Variants in KIAA1614 observed in about 807,000 individuals in gnomAD.
KIAA1614 encodes the protein uncharacterized protein KIAA1614.
A neutral mutation model predicts 88.7 loss-of-function variants in KIAA1614; 76 were observed. That is an observed-to-expected ratio of 0.86 (90% CI 0.71 to 1.04). KIAA1614 has a LOEUF of 1.04. Ranked by LOEUF, KIAA1614 falls within the 50% of genes least tolerant of loss-of-function variation. The pLI is 0.00. For missense variants in KIAA1614, 1,553 were observed against 1,582.5 expected (o/e 0.98, Z 0.32); for synonymous variants, 714 against 675.5 (o/e 1.06, Z -0.88).
intron 7 of KIAA1614, among the ~76,000 whole-genome samples, chr1:180,942,364 G>C (rs1286154653): frequency 6.6e-6 from 1 of 152,222 alleles, no homozygotes; most frequent in Non-Finnish European, 1.5e-5. Flanking sequence ...CTGTTCCAGG[G>C]AGTTCAGGTG....
In KIAA1614 at chr1:180,922,734, G is replaced by A. The variant is rs569560251; in HGVS notation, c.1061+4820G>A. 4.6e-5 allele frequency among the ~76,000 whole-genome samples: 7 copies of A among 152,290 alleles called. No homozygotes were observed. In the East Asian group the frequency reaches 1.4e-3, roughly 29 times the overall value. On this transcript the variant is annotated intron_variant, in intron 3 of 8. Transcript: ENST00000367588. ...GCACTTCACCTCAAGCCACCAGAGC[G>A]TGTGCAGATGTTTCCCACCCGCCAA... is the stretch of plus-strand genomic sequence containing the variant.
chr1:180,944,925 A>T (rs986572173), intron 8 of KIAA1614: 1 of 271,614 alleles, frequency 3.7e-6, no homozygotes, highest in East Asian at 8.9e-5. Flanking sequence ...CTGTCCGATG[A>T]GGCCCTGTAG....
intron 3 of KIAA1614, among the ~76,000 whole-genome samples, chr1:180,924,705 C>T (rs1654029264): frequency 6.6e-6 from 1 of 152,056 alleles, no homozygotes; most frequent in South Asian, 2.1e-4. Context: ...TTTCAAAGTC[C>T]AGAGCAAAGC....
At chr1:180,940,720 CTTTCT>C (rs1654440091) in intron 6 of KIAA1614, among the ~76,000 whole-genome samples, 2 of 146,114 alleles carry the variant, frequency 1.4e-5, no homozygotes, top group African/African-American at 5.1e-5. Flanking sequence ...TTCCTTTTTT[CTTTCT>C]TTTCTTTTTT....
At position 180,935,621 on chromosome 1, in the gene KIAA1614, G is replaced by A. The variant is rs1217563787; in HGVS notation, c.1712G>A (p.Arg571Lys). The A allele has an allele frequency of 2.5e-6, 4 of 1,611,196 alleles. No individual in the cohort carries two copies. The highest frequency in any genetic ancestry group is 1.7e-5 in the Admixed American group (1 of 59,906). Residue 571 changes from arginine (R) to lysine (K), a missense_variant, in exon 5 of 9, where the codon AGG becomes AAG. Physicochemically the swap from Arg to Lys is conservative, Grantham distance 26. Coordinates refer to ENST00000367588, the MANE Select transcript of KIAA1614 (RefSeq NM_020950.2). This position sits in a 1 kb window ranked among gnomAD's most constrained non-coding sequence, Gnocchi z 6.1. ...QELQAACGME[R>K]VLGGLSSPLR... ...CTCCAGGCTGCCTGTGGGATGGAGA[G>A]GGTGCTGGGTGGCCTGAGCTCCCCA...
At chr1:180,923,958 C>T (rs1407615438) in intron 3 of KIAA1614, among the ~76,000 whole-genome samples, 1 of 151,400 alleles carries the variant, frequency 6.6e-6, no homozygotes, top group African/African-American at 2.4e-5. Flanking sequence ...ACTCCCAGCC[C>T]CACCGAGACT....
At position 180,936,561 on chromosome 1, in the gene KIAA1614, C is replaced by A; in HGVS notation, c.2652C>A (p.Ser884Arg). 6.2e-7 allele frequency: 1 copy of A among 1,613,688 alleles called. No homozygotes were observed. ...TGTCCACCAACAACTGCAACAACAGCGCACCTCGGGGGCTGCAGGAGCCCT... is the reference window on the plus strand; with the variant it reads ...TGTCCACCAACAACTGCAACAACAGAGCACCTCGGGGGCTGCAGGAGCCCT... Reference protein sequence around the residue: ...LALSTNNCNNSAPRGLQEPYG... With the variant: ...LALSTNNCNNRAPRGLQEPYG... The change falls in exon 5 of 9, where the codon AGC becomes AGA. Residue 884 changes from serine (S) to arginine (R), a missense_variant. Physicochemically the swap from Ser to Arg is moderately radical, Grantham distance 110. Transcript: ENST00000367588.
At chr1:180,934,406 T>G (rs139784226) in intron 4 of KIAA1614, among the ~76,000 whole-genome samples, 87 of 151,744 alleles carry the variant, frequency 5.7e-4, no homozygotes, top group African/African-American at 2.0e-3. Context: ...CTGGCCAACA[T>G]AGTGAGACCT....
intron 4 of KIAA1614, among the ~76,000 whole-genome samples, chr1:180,932,530 G>A (rs541577055): frequency 3.4e-4 from 52 of 152,218 alleles, no homozygotes; most frequent in Admixed American, 2.1e-3. Context: ...CATATTGTGC[G>A]TCCTTGGCAT....
At chr1:180,941,322 G>C in intron 7 of KIAA1614, 37 bp downstream of exon 7, 6 of 1,574,908 alleles carry the variant, frequency 3.8e-6, no homozygotes, top group Non-Finnish European at 5.2e-6. Flanking sequence ...AGTGAAGCCA[G>C]TAGCGGTGCA....
rs747935484 is a variant in KIAA1614 at position 180,941,142 on chromosome 1, C to T, written c.3016C>T (p.Leu1006=). ...CAGCAGCATAGCCTCCACCCTGGGG[C>T]TGAAAAAGCTCTTCTCAGCCCTGGG... ...RSSSIASTLG[L]KKLFSALGQS... is the part of the protein sequence containing the mutation. The change falls in exon 7 of 9, where the codon CTG becomes TTG. Residue 1006 remains leucine, a synonymous_variant. Transcript: ENST00000367588. 6.8e-6 allele frequency: 11 copies of T among 1,613,510 alleles called. No individual in the cohort carries two copies. The East Asian group carries it at 2.2e-4, about 33-fold the overall frequency.
At chr1:180,943,548 A>ATCTTTTTTTTTT (rs1654517461) in intron 7 of KIAA1614, among the ~76,000 whole-genome samples, 1 of 74,862 alleles carries the variant, frequency 1.3e-5, no homozygotes, top group African/African-American at 5.6e-5. Context: ...ATGGTAGTAG[A>ATCTTTTTTTTTT]TCTTTTTTTT....
Position 180,941,030 on chromosome 1 carries a change from AC to A in KIAA1614, c.2919-12del, listed in dbSNP as rs769861301. On this transcript the variant is annotated splice_polypyrimidine_tract_variant and intron_variant, in intron 6 of 8. Coordinates refer to ENST00000367588, the MANE Select transcript of KIAA1614 (RefSeq NM_020950.2). ...GGCCCTCCCCCGCCCCCTCACCTCC[AC>A]CCTTGTGTTTCAGAGCATCAGCAGG... The A allele has an allele frequency of 4.3e-6, 1 of 234,988 alleles. No individual in the cohort carries two copies. Among genetic ancestry groups the A allele is most frequent in the Non-Finnish European group, 5.8e-6 (1 of 171,068 alleles). 14.6% of individuals were successfully genotyped at this position (234,988 alleles called of 1,614,324 possible). A position where few individuals can be genotyped will look rare whatever the true frequency, so the allele number is the denominator to read the frequency against.
intron 3 of KIAA1614, among the ~76,000 whole-genome samples, chr1:180,921,223 G>GC (rs1410249190): frequency 6.6e-6 from 1 of 151,492 alleles, no homozygotes; most frequent in African/African-American, 2.4e-5. Flanking sequence ...AGGGGCGGGG[G>GC]GTCACAAGGT....
intron 3 of KIAA1614, among the ~76,000 whole-genome samples, chr1:180,919,169 T>G (rs1029789853): frequency 6.6e-6 from 1 of 152,138 alleles, no homozygotes; most frequent in Non-Finnish European, 1.5e-5. Context: ...ACCGTAGTCC[T>G]CCACCCCCGC....
intron 8 of KIAA1614, 166 bp from the exon 9 acceptor site, chr1:180,945,137 A>T: frequency 1.4e-6 from 1 of 724,620 alleles, no homozygotes; most frequent in Non-Finnish European, 2.1e-6. Flanking sequence ...GAAACCCACC[A>T]GTTTTGGCCC....
intron 7 of KIAA1614, among the ~76,000 whole-genome samples, chr1:180,943,027 G>GTTTTTTTTT (rs1261396134): frequency 2.2e-4 from 5 of 22,324 alleles, no homozygotes; most frequent in Admixed American, 6.5e-4. Flanking sequence ...TAGTTTTTTG[G>GTTTTTTTTT]GTTTTTTTTT....
In KIAA1614 at chr1:180,945,458, T is replaced by G; in HGVS notation, c.3443T>G (p.Val1148Gly). The change falls in exon 9 of 9, where the codon GTG (valine) becomes GGG (glycine). Residue 1148 changes from valine to glycine, a missense_variant. Val to Gly is a moderately radical substitution (Grantham distance 109). Transcript: ENST00000367588. ...CCAGGGGGCACTTTCGGCTTCTGCG[T>G]GGCCTCTGGGAATGGGCGCCCAGAC... ...RSPGGTFGFC[V>G]ASGNGRPDSG... is the part of the protein sequence containing the mutation. The G allele has an allele frequency of 6.2e-7, 1 of 1,612,888 alleles. No homozygotes were observed. Among genetic ancestry groups the G allele is most frequent in the South Asian group, 1.1e-5 (1 of 91,014 alleles).
Position 180,951,016 on chromosome 1 carries a change from C to T in KIAA1614, c.*5428C>T, listed in dbSNP as rs899691535. ...TCCATTCACTGCCCTTGCCCTTTAT[C>T]CAGAAATGGGCAAAGTGTCCCGGAA... On this transcript the variant is annotated 3_prime_UTR_variant, in exon 9 of 9. Transcript: ENST00000367588. 6.6e-6 allele frequency: 1 copy of T among 152,248 alleles called. No individual in the cohort carries two copies. Among genetic ancestry groups the T allele is most frequent in the African/African-American group, 2.4e-5 (1 of 41,450 alleles). 9.4% of individuals were successfully genotyped at this position (152,248 alleles called of 1,614,324 possible).
Sources: gnomAD v4.1 joint callset for allele counts (sites outside exome capture counted in the v4.1 genomes callset) on GRCh38, gnomAD v4.1.1 for gene constraint, Gnocchi (gnomAD v3.1) non-coding constraint, MANE v1.5 for transcripts, NCBI Gene and HGNC (gene_info 2026-07-23, HGNC 2026-07-21) for gene names.